TAFA2: variants seen among roughly 807,000 people sequenced by gnomAD.
The protein encoded by TAFA2 is TAFA chemokine like family member 2.
A neutral mutation model predicts 18.8 loss-of-function variants in TAFA2; 7 were observed. The observed-to-expected ratio is 0.37, with a 90% CI of 0.21 to 0.70. TAFA2 has a LOEUF of 0.70. Among genes scored for constraint, TAFA2 ranks in the 30% least tolerant of loss-of-function variants. The pLI is 0.53. For missense variants in TAFA2, 122 were observed against 158.1 expected, an observed-to-expected ratio of 0.77 and a Z score of 1.23; for synonymous variants, 60 against 54.2, an observed-to-expected ratio of 1.11 and a Z score of -0.47.
chr12:61,984,160 T>G (rs1416606072), intron 1 of TAFA2, among the ~76,000 whole-genome samples: 1 of 152,248 alleles, frequency 6.6e-6, no homozygotes, highest in African/African-American at 2.4e-5. Context: ...AAGCAAGGAT[T>G]TTGTTATTGT....
chr12:62,117,336 T>C (rs1295502747), intron 1 of TAFA2, among the ~76,000 whole-genome samples: 1 of 152,222 alleles, frequency 6.6e-6, no homozygotes, highest in African/African-American at 2.4e-5. Context: ...TTGTGTTATA[T>C]TTGCAATAAT....
At chr12:62,086,635 A>C (rs1404921541) in intron 1 of TAFA2, among the ~76,000 whole-genome samples, 1 of 152,084 alleles carries the variant, frequency 6.6e-6, no homozygotes, top group Admixed American at 6.6e-5. Context: ...TTACCCAAAA[A>C]AGGGTAGGGG....
chr12:62,203,803 G>GT lies in TAFA2; in HGVS notation c.-130+54959dup, dbSNP rs758882876. 2.6e-5 allele frequency among the ~76,000 whole-genome samples: 4 copies of GT among 152,076 alleles called. No individual in the cohort carries two copies. In the East Asian group the frequency reaches 7.7e-4, roughly 29 times the overall value. ...CTCTTTACCCAGCTTGCCATTCTGTGTTTTTTAATTGGGGCATTTAGCCCA... is the reference window on the plus strand; with the variant it reads ...CTCTTTACCCAGCTTGCCATTCTGTGTTTTTTTAATTGGGGCATTTAGCCCA... On this transcript the variant is annotated intron_variant, in intron 1 of 5. Transcript: ENST00000551619.
At chr12:62,123,190 C>T (rs967942372) in intron 1 of TAFA2, among the ~76,000 whole-genome samples, 2 of 152,192 alleles carry the variant, frequency 1.3e-5, no homozygotes, top group Non-Finnish European at 2.9e-5. Context: ...TATTCCCTCT[C>T]TCAACTGCAT....
intron 1 of TAFA2, among the ~76,000 whole-genome samples, chr12:62,201,096 C>T (rs960846837): frequency 6.6e-6 from 1 of 152,112 alleles, no homozygotes; most frequent in African/African-American, 2.4e-5. Flanking sequence ...TATTTTGTAT[C>T]CTGAGACCGC....
At chr12:61,830,257 G>C (rs990463694) in intron 2 of TAFA2, among the ~76,000 whole-genome samples, 2 of 149,502 alleles carry the variant, frequency 1.3e-5, no homozygotes, top group Non-Finnish European at 3.0e-5. Context: ...TATGTATCTA[G>C]TCATCCACTG....
rs1455493274 is a variant in TAFA2 at position 61,905,655 on chromosome 12, G to GA, written c.-1-38230dup. 7.2e-5 allele frequency among the ~76,000 whole-genome samples: 11 copies of GA among 152,210 alleles called. No homozygotes were observed. The East Asian group carries it at 9.6e-4, about 13-fold the overall frequency. On this transcript the variant is annotated intron_variant, in intron 1 of 4. Transcript: ENST00000416284. The stretch of plus-strand genomic sequence containing the variant: ...ATATCAAAGACAGTGGGGGTCACCA[G>GA]AAAAAATATCCTCATATCCAATTAG...
chr12:62,056,887 C>T (rs1420037567), intron 1 of TAFA2, among the ~76,000 whole-genome samples: 4 of 152,174 alleles, frequency 2.6e-5, no homozygotes, highest in Admixed American at 6.5e-5. Context: ...TCTAATCTGT[C>T]GTTAGGATAA....
In TAFA2 at chr12:61,927,938, T is replaced by C. The variant is rs545173174; in HGVS notation, c.-1-60512A>G. 7.9e-5 allele frequency among the ~76,000 whole-genome samples: 12 copies of C among 152,280 alleles called. No homozygotes were observed. In the East Asian group the frequency reaches 1.9e-3, roughly 24 times the overall value. Reference sequence around the variant, plus strand: ...GCATTCCCTATTTAATAAATGGCGTTGGGAAAACTGGCTAGCCATATGCAG... The same window carrying C: ...GCATTCCCTATTTAATAAATGGCGTCGGGAAAACTGGCTAGCCATATGCAG... On this transcript the variant is annotated intron_variant, in intron 1 of 4. Transcript: ENST00000416284.
At chr12:61,732,537 A>G (rs1315610963) in intron 4 of TAFA2, among the ~76,000 whole-genome samples, 1 of 152,064 alleles carries the variant, frequency 6.6e-6, no homozygotes, top group African/African-American at 2.4e-5. Context: ...TCATGCTTGG[A>G]ATTGAAACTG....
At chr12:62,052,452 A>G (rs922296345) in intron 1 of TAFA2, among the ~76,000 whole-genome samples, 1 of 152,162 alleles carries the variant, frequency 6.6e-6, no homozygotes, top group Admixed American at 6.5e-5. Context: ...TTGGCCTCCC[A>G]AAGTGCTGGA....
intron 4 of TAFA2, among the ~76,000 whole-genome samples, chr12:61,718,194 G>A (rs950460848): frequency 7.2e-5 from 11 of 152,130 alleles, no homozygotes; most frequent in Non-Finnish European, 1.2e-4. Context: ...AGATGGACCT[G>A]CGCTGTTTCT....
chr12:61,912,011 A>G (rs1411450800), intron 1 of TAFA2, among the ~76,000 whole-genome samples: 1 of 152,214 alleles, frequency 6.6e-6, no homozygotes, highest in African/African-American at 2.4e-5. Flanking sequence ...TCCCAGTGGA[A>G]CCTAATGATA....
intron 1 of TAFA2, among the ~76,000 whole-genome samples, chr12:61,942,091 C>T (rs1451863567): frequency 1.1e-4 from 16 of 151,310 alleles, no homozygotes; most frequent in East Asian, 3.9e-4. Context: ...TCTCCCAGCA[C>T]GCAGCTGGAG....
At chr12:61,879,520 G>A (rs182906600) in intron 1 of TAFA2, 17 of 711,176 alleles carry the variant, frequency 2.4e-5, no homozygotes, top group Non-Finnish European at 4.3e-5. Context: ...TGCTGTCATG[G>A]TCAACCAGAG....
rs942820658 is a variant in TAFA2 at position 62,172,225 on chromosome 12, CCCTTCCTCCCTT to C, written c.-2+19022_-2+19033del. 5.9e-5 allele frequency among the ~76,000 whole-genome samples: 9 copies of C among 152,168 alleles called. No homozygotes were observed. In the South Asian group the frequency reaches 8.3e-4, roughly 14 times the overall value. On this transcript the variant is annotated intron_variant, in intron 1 of 4. Coordinates refer to ENST00000416284, the MANE Select transcript of TAFA2 (RefSeq NM_178539.5). ...AAAAAACAAGGATGCCTTCCTCCCT[CCCTTCCTCCCTT>C]CCTTCCTCCCTTCCTTCATCCTCCG...
At chr12:62,009,240 A>G (rs1880652222) in intron 1 of TAFA2, among the ~76,000 whole-genome samples, 1 of 152,198 alleles carries the variant, frequency 6.6e-6, no homozygotes, top group African/African-American at 2.4e-5. Flanking sequence ...CATAAGGCCA[A>G]AAGATGATGC....
chr12:61,794,558 G>C (rs1013183453), intron 2 of TAFA2, among the ~76,000 whole-genome samples: 1 of 151,926 alleles, frequency 6.6e-6, no homozygotes, highest in Non-Finnish European at 1.5e-5. Flanking sequence ...TTGTTCAAGG[G>C]TTAGAATACT....
At chr12:62,078,190 G>A (rs564812174) in intron 1 of TAFA2, among the ~76,000 whole-genome samples, 3 of 152,146 alleles carry the variant, frequency 2.0e-5, no homozygotes, top group South Asian at 4.2e-4. Flanking sequence ...CCCAAGTCAC[G>A]TAGCAGAAAG....
Sources: gnomAD v4.1 joint callset for allele counts (sites outside exome capture counted in the v4.1 genomes callset) on GRCh38, gnomAD v4.1.1 for gene constraint, MANE v1.5 for transcripts, NCBI Gene and HGNC (gene_info 2026-07-23, HGNC 2026-07-21) for gene names.